Variants in TUB observed in about 807,000 individuals in gnomAD.
The protein encoded by TUB is tubby protein homolog.
A neutral mutation model predicts 59.7 loss-of-function variants in TUB; 33 were observed. That is an observed-to-expected ratio of 0.55 (90% CI 0.42 to 0.74). TUB has a LOEUF of 0.74. Ranked by LOEUF, TUB falls within the 30% of genes least tolerant of loss-of-function variation. The pLI is 0.00. For missense variants in TUB, 659 were observed against 672.0 expected (o/e 0.98, Z 0.21); for synonymous variants, 293 against 256.4 (o/e 1.14, Z -1.36).
At chr11:8,073,069 C>T (rs531133036) in intron 2 of TUB, among the ~76,000 whole-genome samples, 1 of 152,308 alleles carries the variant, frequency 6.6e-6, no homozygotes, top group South Asian at 2.1e-4. Flanking sequence ...AGCAACTTAG[C>T]CAGGATTGGA....
intron 5 of TUB, among the ~76,000 whole-genome samples, chr11:8,096,005 C>T (rs1943978128): frequency 6.6e-6 from 1 of 152,202 alleles, no homozygotes; most frequent in Non-Finnish European, 1.5e-5. Context: ...GTTCAGTTTT[C>T]CCACCACAAG....
rs1392513595 is a variant in TUB at position 8,097,312 on chromosome 11, C to T, written c.772C>T (p.Pro258Ser). 6.2e-7 allele frequency: 1 copy of T among 1,614,158 alleles called. No individual in the cohort carries two copies. The highest frequency in any genetic ancestry group is 1.7e-5 in the Admixed American group (1 of 60,020). ...GGATCTTGAGGAGTTTGCACTGAGG[C>T]CGGCCCCCCAGGGTATCACCATCAA... ...VQDLEEFALR[P>S]APQGITIKCR... Residue 258 changes from proline to serine, a missense_variant, in exon 7 of 12, where the codon CCG becomes TCG. Coordinates refer to ENST00000299506, the MANE Select transcript of TUB (RefSeq NM_177972.3).
rs1010015384 is a variant in TUB, at chr11:8,106,039, C to G, written c.*4420C>G. 1.3e-5 allele frequency: 2 copies of G among 151,768 alleles called. No homozygotes were observed. The highest frequency in any genetic ancestry group is 3.0e-5 in the Non-Finnish European group (2 of 67,702). 9.4% of individuals were successfully genotyped at this position (151,768 alleles called of 1,614,324 possible). A position where few individuals can be genotyped will look rare whatever the true frequency, so the allele number is the denominator to read the frequency against. On this transcript the variant is annotated 3_prime_UTR_variant, in exon 12 of 12. Transcript: ENST00000299506. The stretch of plus-strand genomic sequence containing the variant: ...ACATTTTATTTTTGTTCAAGATTAT[C>G]TGGCGTTTTAGACAAATTTGCAAAA...
intron 1 of TUB, among the ~76,000 whole-genome samples, chr11:8,084,120 T>A (rs940990162): frequency 2.0e-5 from 3 of 152,168 alleles, no homozygotes; most frequent in Non-Finnish European, 2.9e-5. Flanking sequence ...AGAGCTGGAA[T>A]GTGGCATTTG....
intron 2 of TUB, among the ~76,000 whole-genome samples, chr11:8,055,844 C>T (rs1432916233): frequency 6.6e-6 from 1 of 152,218 alleles, no homozygotes; most frequent in African/African-American, 2.4e-5. Flanking sequence ...GGAGCCCTGG[C>T]CTCCCTGCTC....
intron 2 of TUB, among the ~76,000 whole-genome samples, chr11:8,061,361 G>A (rs1240311366): frequency 1.3e-5 from 2 of 152,190 alleles, no homozygotes; most frequent in Non-Finnish European, 2.9e-5. Flanking sequence ...GTGTGGGGGC[G>A]TGTGCTGTGG....
intron 1 of TUB, chr11:8,039,133 C>A: frequency 7.2e-7 from 1 of 1,391,364 alleles, no homozygotes; most frequent in Non-Finnish European, 9.6e-7. Flanking sequence ...AAGGCCTCCC[C>A]TTCCTGATGG....
intron 1 of TUB, among the ~76,000 whole-genome samples, chr11:8,086,893 C>T (rs577761582): frequency 9.5e-4 from 145 of 152,342 alleles, no homozygotes; most frequent in African/African-American, 3.3e-3. Context: ...CCATATTTCT[C>T]TGAAGGCCAG....
chr11:8,097,829 A>G lies in TUB; in HGVS notation c.998+3A>G. 1 of 1,611,894 alleles carries G rather than the reference A, an allele frequency of 6.2e-7. No homozygotes were observed. The highest frequency in any genetic ancestry group is 8.5e-7 in the Non-Finnish European group (1 of 1,178,186). Reference sequence around the variant, plus strand: ...GACAGCTATATCGGGAAACTGCGGTACTAGCATTCCCCCAGGAAGCAGGCG... The same window carrying G: ...GACAGCTATATCGGGAAACTGCGGTGCTAGCATTCCCCCAGGAAGCAGGCG... On this transcript the variant is annotated splice_donor_region_variant and intron_variant, in intron 8 of 11. Transcript: ENST00000299506.
intron 4 of TUB, 78 bp downstream of exon 4, chr11:8,094,267 C>T: frequency 1.4e-6 from 2 of 1,478,626 alleles, no homozygotes; most frequent in South Asian, 2.7e-5. Flanking sequence ...GTCCTCCTGA[C>T]TTGGAGGGGA....
chr11:8,021,200 C>T lies in TUB; in HGVS notation c.56+1842C>T, dbSNP rs1942421020. Among the ~76,000 whole-genome samples, 3 of 152,202 alleles carry T rather than the reference C, an allele frequency of 2.0e-5. No homozygotes were observed. In the South Asian group the frequency reaches 6.2e-4, roughly 32 times the overall value. On this transcript the variant is annotated intron_variant, in intron 1 of 11. Coordinates refer to the TUB transcript ENST00000534099. ...GTAATAGGCCTGGCGCAGTGGCTCA[C>T]ACCTGTAATCCCAGTACTTTGGGAA...
At chr11:8,064,817 C>A (rs186778071) in intron 2 of TUB, among the ~76,000 whole-genome samples, 1 of 152,328 alleles carries the variant, frequency 6.6e-6, no homozygotes, top group East Asian at 1.9e-4. Flanking sequence ...TCAGGGCAGA[C>A]ATGGCTGGTG....
intron 2 of TUB, 63 bp from the exon 3 acceptor site, chr11:8,090,006 A>AT: frequency 6.7e-7 from 1 of 1,498,398 alleles, no homozygotes; most frequent in Middle Eastern, 1.9e-4. Context: ...GGACCCCCCG[A>AT]TAACTGGGAG....
chr11:8,092,897 C>T (rs10769868), intron 3 of TUB, among the ~76,000 whole-genome samples: 56,989 of 151,944 alleles, frequency 0.38, 11,563 homozygotes, highest in African/African-American at 0.48. Context: ...GAGTCTGATA[C>T]ACATCAGACC....
At chr11:8,028,776 G>A (rs1471807112) in intron 1 of TUB, among the ~76,000 whole-genome samples, 1 of 32,050 alleles carries the variant, frequency 3.1e-5, no homozygotes, top group African/African-American at 1.4e-4. Flanking sequence ...TGGGAGGCTC[G>A]GGTAGGAGGA....
intron 1 of TUB, chr11:8,039,367 G>A: frequency 4.5e-6 from 2 of 445,436 alleles, no homozygotes; most frequent in Non-Finnish European, 7.9e-6. Flanking sequence ...TCCAGCTTCT[G>A]CCTGTCTCCC....
chr11:8,019,969 C>T (rs1942398233), intron 1 of TUB, among the ~76,000 whole-genome samples: 1 of 152,210 alleles, frequency 6.6e-6, no homozygotes, highest in South Asian at 2.1e-4. Flanking sequence ...TGGCGAGCGG[C>T]TGCCGGCGTG....
intron 2 of TUB, among the ~76,000 whole-genome samples, chr11:8,044,167 A>G (rs1400975393): frequency 6.6e-6 from 1 of 151,964 alleles, no homozygotes; most frequent in East Asian, 1.9e-4. Context: ...TTCTTCTAAT[A>G]TTTTTTCTGA....
rs894183160 is a variant in TUB, at chr11:8,081,260, C to G, written c.-251C>G. On this transcript the variant is annotated 5_prime_UTR_variant, in exon 1 of 12. Coordinates refer to ENST00000299506, the MANE Select transcript of TUB (RefSeq NM_177972.3). ...CGCGGGACGGTGCGGTCGGCCTCCC[C>G]GCCTCCACGCGCGCGCACGACCCGC... 1 of 593,420 alleles carries G rather than the reference C, an allele frequency of 1.7e-6. No individual in the cohort carries two copies. The highest frequency in any genetic ancestry group is 2.1e-6 in the Non-Finnish European group (1 of 471,848). 36.8% of individuals were successfully genotyped at this position (593,420 alleles called of 1,614,324 possible). A position where few individuals can be genotyped will look rare whatever the true frequency, so the allele number is the denominator to read the frequency against.
Sources: allele counts gnomAD v4.1 joint callset (sites outside exome capture counted in the v4.1 genomes callset), GRCh38; gene constraint gnomAD v4.1.1; transcripts MANE v1.5; gene names NCBI Gene and HGNC (gene_info 2026-07-23, HGNC 2026-07-21).